NCKAP5: variants seen among roughly 807,000 people sequenced by gnomAD.
NCKAP5 encodes NCK associated protein 5, also known as nck-associated protein 5.
In NCKAP5, 92 loss-of-function variants were observed where a neutral mutation model predicts 167.0. The observed-to-expected ratio is 0.55, with a 90% CI of 0.47 to 0.66. The LOEUF is 0.66. Among genes scored for constraint, NCKAP5 ranks in the 30% least tolerant of loss-of-function variants. The pLI is 0.00. For synonymous variants in NCKAP5, 891 were observed against 877.4 expected, an observed-to-expected ratio of 1.02 and a Z score of -0.27; for missense variants, 2,378 against 2,315.0, an observed-to-expected ratio of 1.03 and a Z score of -0.56.
intron 19 of NCKAP5, among the ~76,000 whole-genome samples, chr2:132,677,626 A>G (rs1292031831): frequency 6.6e-6 from 1 of 152,034 alleles, no homozygotes; most frequent in Non-Finnish European, 1.5e-5. Flanking sequence ...TTATGCCTCT[A>G]TTGCAACTGT....
intron 2 of NCKAP5, among the ~76,000 whole-genome samples, chr2:133,530,719 T>C (rs1170620303): frequency 6.6e-6 from 1 of 152,188 alleles, no homozygotes; most frequent in Non-Finnish European, 1.5e-5. Context: ...ACCAATAGAA[T>C]GTGGCAAAAG....
chr2:132,920,769 A>ATGTATGTATGTATGTGTG (rs1558943244), intron 8 of NCKAP5, among the ~76,000 whole-genome samples: 9 of 31,934 alleles, frequency 2.8e-4, no homozygotes, highest in African/African-American at 1.8e-3. Flanking sequence ...ATATATATGT[A>ATGTATGTATGTATGTGTG]TGTATATATA....
chr2:132,756,788 A>T (rs1680594098), intron 16 of NCKAP5, among the ~76,000 whole-genome samples: 1 of 152,188 alleles, frequency 6.6e-6, no homozygotes, highest in Admixed American at 6.5e-5. Context: ...CCCACTCCAA[A>T]TATGTTCTTG....
In NCKAP5 at chr2:132,721,414, AT is replaced by A. The variant is rs1271359464; in HGVS notation, c.5713+4212del. Among the ~76,000 whole-genome samples the A allele has an allele frequency of 3.3e-5, 5 of 152,250 alleles. No homozygotes were observed. The South Asian group carries it at 1.0e-3, about 32-fold the overall frequency. ...AACATCCAATAAGGCTTCACGATCT[AT>A]TGGTGAATTCCATCCTGCAGGTTGG... On this transcript the variant is annotated intron_variant, in intron 19 of 19. Transcript: ENST00000409261.
chr2:133,471,272 C>T (rs1291152220), intron 3 of NCKAP5, among the ~76,000 whole-genome samples: 1 of 152,188 alleles, frequency 6.6e-6, no homozygotes, highest in Non-Finnish European at 1.5e-5. Flanking sequence ...CGAACAGCCA[C>T]TTTACTCCTG....
At chr2:132,728,483 A>T (rs567671326) in intron 18 of NCKAP5, among the ~76,000 whole-genome samples, 1 of 150,074 alleles carries the variant, frequency 6.7e-6, no homozygotes, top group East Asian at 1.9e-4. Context: ...ATACTGAAAA[A>T]ATAGAAAAAA....
chr2:132,954,874 G>A (rs1016047972), intron 8 of NCKAP5: 8 of 318,176 alleles, frequency 2.5e-5, no homozygotes, highest in Middle Eastern at 1.1e-3. Context: ...GACATAGAAT[G>A]GAATTTTTCT....
intron 11 of NCKAP5, among the ~76,000 whole-genome samples, chr2:132,809,311 A>T (rs556550801): frequency 1.3e-5 from 2 of 152,180 alleles, no homozygotes; most frequent in East Asian, 3.9e-4. Flanking sequence ...GTTTACATCC[A>T]TTGTTTCTTT....
chr2:133,293,834 G>GA (rs1310247582), intron 4 of NCKAP5, among the ~76,000 whole-genome samples: 1 of 152,148 alleles, frequency 6.6e-6, no homozygotes, highest in Non-Finnish European at 1.5e-5. Context: ...ACTCCTGGTG[G>GA]GTAATTGGGG....
At chr2:132,739,318 GATT>G (rs1167588446) in intron 16 of NCKAP5, among the ~76,000 whole-genome samples, 1 of 152,184 alleles carries the variant, frequency 6.6e-6, no homozygotes, top group Non-Finnish European at 1.5e-5. Context: ...TGTCAAAAGA[GATT>G]ATTATAGGCC....
chr2:133,501,442 T>C (rs1402175004), intron 3 of NCKAP5, among the ~76,000 whole-genome samples: 3 of 152,222 alleles, frequency 2.0e-5, no homozygotes, highest in African/African-American at 4.8e-5. Flanking sequence ...AATTGAGACA[T>C]AGAAATGATT....
chr2:132,773,736 C>T lies in NCKAP5; in HGVS notation c.5128+80G>A. The T allele has an allele frequency of 2.6e-6, 3 of 1,138,938 alleles. No individual in the cohort carries two copies. In the South Asian group the frequency reaches 4.2e-5, roughly 16 times the overall value. 70.6% of individuals were successfully genotyped at this position (1,138,938 alleles called of 1,614,324 possible). A position where few individuals can be genotyped will look rare whatever the true frequency, so the allele number is the denominator to read the frequency against. ...CAGTCTTGATAGAGGGACATGGTCT[C>T]TAGGAATGTACCATATCTGGAAGAA... On this transcript the variant is annotated intron_variant, in intron 16 of 19. Coordinates refer to ENST00000409261, the MANE Select transcript of NCKAP5 (RefSeq NM_207363.3).
intron 5 of NCKAP5, among the ~76,000 whole-genome samples, chr2:133,152,699 T>C (rs1484158453): frequency 6.6e-6 from 1 of 152,190 alleles, no homozygotes; most frequent in South Asian, 2.1e-4. Context: ...GGCTATATAC[T>C]GTATGATTCC....
At chr2:133,267,514 C>G (rs903036458) in intron 4 of NCKAP5, 2 of 152,140 alleles carry the variant, frequency 1.3e-5, no homozygotes, top group African/African-American at 2.4e-5. Flanking sequence ...GGGAGAACGG[C>G]CGTGTAGTGT....
In NCKAP5 at chr2:133,217,021, A is replaced by G. The variant is rs549433699; in HGVS notation, c.144-3242T>C. On this transcript the variant is annotated intron_variant, in intron 4 of 19. Transcript: ENST00000409261. ...TAATGCATTACTAGAAAGATAAAGG[A>G]TAGATTATTCACCAACCGAAGATTC... Among the ~76,000 whole-genome samples the G allele has an allele frequency of 9.1e-4, 139 of 152,246 alleles. 2 individuals carry two copies. The highest frequency in any genetic ancestry group is 1.5e-3 in the Admixed American group (23 of 15,286).
At chr2:133,183,525 C>A (rs1031260982) in intron 5 of NCKAP5, among the ~76,000 whole-genome samples, 2 of 151,976 alleles carry the variant, frequency 1.3e-5, no homozygotes, top group Non-Finnish European at 1.5e-5. Flanking sequence ...TCAGCCCATT[C>A]ATGATGAAAA....
chr2:133,534,577 A>G (rs75723502), intron 2 of NCKAP5, among the ~76,000 whole-genome samples: 19,591 of 152,154 alleles, frequency 0.13, 1,669 homozygotes, highest in East Asian at 0.47. Context: ...TCCCACACAT[A>G]GAATCATGAT....
rs77443556 is a variant in NCKAP5, at chr2:133,493,690, G to A, written c.69+23768C>T. ...GCAAAGCAGTTTGTGTTTAGTCATC[G>A]TCATCTACACAATTAAACATGGTTC... On this transcript the variant is annotated intron_variant, in intron 3 of 19. Transcript: ENST00000409261. Among the ~76,000 whole-genome samples, 358 of 152,250 alleles carry A rather than the reference G, an allele frequency of 2.4e-3. 3 individuals carry two copies. In the East Asian group the frequency reaches 0.029, roughly 12 times the overall value.
chr2:132,692,586 A>G (rs1244312185), intron 19 of NCKAP5, among the ~76,000 whole-genome samples: 1 of 152,072 alleles, frequency 6.6e-6, no homozygotes, highest in Non-Finnish European at 1.5e-5. Context: ...ATTAAATAGT[A>G]TGAACTCTAT....
Sources: allele counts gnomAD v4.1 joint callset (sites outside exome capture counted in the v4.1 genomes callset), GRCh38; gene constraint gnomAD v4.1.1; transcripts MANE v1.5; gene names NCBI Gene and HGNC (gene_info 2026-07-23, HGNC 2026-07-21).